The following RGS5 variants were observed in gnomAD, a reference collection of about 807,000 sequenced individuals.
The protein encoded by RGS5 is regulator of G protein signaling 5, also known as regulator of G-protein signalling 5.
In RGS5, 20 loss-of-function variants were observed where a neutral mutation model predicts 18.9. The ratio of observed to expected loss-of-function variants is 1.06; its 90% CI spans 0.74 to 1.54. The LOEUF (loss-of-function observed/expected upper bound fraction) is 1.54. Among genes scored for constraint, RGS5 ranks in the 40% most tolerant of loss-of-function variants. The pLI is 0.00. For missense variants in RGS5, 201 were observed against 211.8 expected (o/e 0.95, Z 0.32); for synonymous variants, 57 against 76.2 (o/e 0.75, Z 1.31).
chr1:163,204,797 G>A (rs971300341), upstream of RGS5, among the ~76,000 whole-genome samples: 3 of 152,146 alleles, frequency 2.0e-5, no homozygotes, highest in Admixed American at 6.5e-5. Context: ...AAGTAGAAGA[G>A]ACTCCTTGGG....
At chr1:163,228,382 T>C (rs768925121) in intron 2 of RGS5, among the ~76,000 whole-genome samples, 25 of 152,220 alleles carry the variant, frequency 1.6e-4, no homozygotes, top group Non-Finnish European at 2.6e-4. Flanking sequence ...GCTTTCGCCC[T>C]CTGAAGCAAT....
chr1:163,194,743 G>A (rs1659494619), intron 1 of RGS5, among the ~76,000 whole-genome samples: 1 of 152,022 alleles, frequency 6.6e-6, no homozygotes, highest in African/African-American at 2.4e-5. Context: ...AACATTTTTG[G>A]ATCCTAATAC....
chr1:163,282,039 ACGCGCGCG>A, intron 2 of RGS5, among the ~76,000 whole-genome samples: 1 of 142,202 alleles, frequency 7.0e-6, no homozygotes, highest in Non-Finnish European at 1.6e-5. Context: ...TCAGAAGTGC[ACGCGCGCG>A]CACACACACA....
At chr1:163,319,980 T>C (rs756816406) in intron 1 of RGS5, among the ~76,000 whole-genome samples, 7 of 152,202 alleles carry the variant, frequency 4.6e-5, no homozygotes, top group Non-Finnish European at 7.4e-5. Context: ...GTAATTTGAA[T>C]AAACACTCAT....
chr1:163,218,738 G>A (rs1660271721), upstream of RGS5, among the ~76,000 whole-genome samples: 1 of 152,186 alleles, frequency 6.6e-6, no homozygotes, highest in Admixed American at 6.5e-5. Context: ...TAAAATTAGT[G>A]AGAGAAACTA....
chr1:163,172,724 T>C, intron 1 of RGS5: 1 of 971,300 alleles, frequency 1.0e-6, no homozygotes, highest in Non-Finnish European at 1.5e-6. Flanking sequence ...GTGAAGTCTA[T>C]TAAATTTAAT....
intron 1 of RGS5, among the ~76,000 whole-genome samples, chr1:163,312,687 A>G (rs978878117): frequency 9.9e-5 from 15 of 152,242 alleles, no homozygotes; most frequent in Non-Finnish European, 2.1e-4. Flanking sequence ...GATGTGAAAA[A>G]TGGATTAGTA....
At chr1:163,316,453 A>G (rs1650024287) in intron 1 of RGS5, among the ~76,000 whole-genome samples, 1 of 152,174 alleles carries the variant, frequency 6.6e-6, no homozygotes, top group Non-Finnish European at 1.5e-5. Flanking sequence ...GAATTGAATG[A>G]TGGCATCAAT....
chr1:163,154,848 A>G (rs1657520332), intron 3 of RGS5, among the ~76,000 whole-genome samples: 1 of 149,326 alleles, frequency 6.7e-6, no homozygotes, highest in Non-Finnish European at 1.5e-5. Flanking sequence ...ATCTATATAT[A>G]ATATATAGAT....
At chr1:163,272,307 A>T (rs1648743115) in intron 2 of RGS5, among the ~76,000 whole-genome samples, 1 of 152,132 alleles carries the variant, frequency 6.6e-6, no homozygotes, top group African/African-American at 2.4e-5. Flanking sequence ...GCTGGATACA[A>T]GTCCTTTTCA....
intron 1 of RGS5, chr1:163,318,803 T>A (rs2101655713): frequency 6.6e-6 from 1 of 152,180 alleles, no homozygotes; most frequent in African/African-American, 2.4e-5. Flanking sequence ...GAAACAGTGG[T>A]CATACATTGG....
At chr1:163,226,250 A>T (rs1647332972) in intron 2 of RGS5, among the ~76,000 whole-genome samples, 1 of 152,174 alleles carries the variant, frequency 6.6e-6, no homozygotes, top group South Asian at 2.1e-4. Flanking sequence ...ATTTTAAGAG[A>T]AAGGATTTAA....
chr1:163,250,799 G>A (rs902372033), intron 2 of RGS5, among the ~76,000 whole-genome samples: 1 of 152,132 alleles, frequency 6.6e-6, no homozygotes, highest in Non-Finnish European at 1.5e-5. Context: ...ATAACTTCTA[G>A]GGTTGTCTGA....
chr1:163,199,875 G>C (rs2101658785), intron 1 of RGS5, among the ~76,000 whole-genome samples: 1 of 152,126 alleles, frequency 6.6e-6, no homozygotes, highest in Admixed American at 6.6e-5. Flanking sequence ...GGTGCAATAT[G>C]ACTCACTGCA....
intron 1 of RGS5, among the ~76,000 whole-genome samples, chr1:163,197,953 T>C (rs375839520): frequency 6.6e-6 from 1 of 152,258 alleles, no homozygotes; most frequent in South Asian, 2.1e-4. Context: ...GATGTGCTTA[T>C]GCCTTTGAAT....
chr1:163,217,951 G>T (rs1257646986), upstream of RGS5, among the ~76,000 whole-genome samples: 1 of 152,004 alleles, frequency 6.6e-6, no homozygotes, highest in African/African-American at 2.4e-5. Context: ...GAGCCATGAG[G>T]AACCCACTAT....
At chr1:163,319,114 TTGGAAACCC>T (rs1192353777) in intron 1 of RGS5, 3 of 152,108 alleles carry the variant, frequency 2.0e-5, no homozygotes, top group African/African-American at 4.8e-5. Flanking sequence ...AAATAACAAT[TTGGAAACCC>T]TGTCACTTAA....
At chr1:163,256,052 A>T in intron 2 of RGS5, among the ~76,000 whole-genome samples, 1 of 152,162 alleles carries the variant, frequency 6.6e-6, no homozygotes, top group East Asian at 1.9e-4. Context: ...AACTGGTACA[A>T]GACAGGGATG....
intron 1 of RGS5, among the ~76,000 whole-genome samples, chr1:163,316,853 G>A (rs1219367218): frequency 6.6e-6 from 1 of 152,068 alleles, no homozygotes; most frequent in Non-Finnish European, 1.5e-5. Flanking sequence ...CTATTACTTT[G>A]TTAGACGCAT....
Sources: allele counts gnomAD v4.1 joint callset (sites outside exome capture counted in the v4.1 genomes callset), GRCh38; gene constraint gnomAD v4.1.1; transcripts MANE v1.5; gene names NCBI Gene and HGNC (gene_info 2026-07-23, HGNC 2026-07-21).